Variants in TESK2 observed in about 807,000 individuals in gnomAD.
The protein encoded by TESK2 is dual specificity testis-specific protein kinase 2.
TESK2 carries 39 observed loss-of-function variants against 57.1 expected under a neutral mutation model. The observed-to-expected ratio is 0.68, with a 90% confidence interval of 0.53 to 0.89. The LOEUF (loss-of-function observed/expected upper bound fraction) is 0.89. Ranked by LOEUF, TESK2 falls within the 40% of genes least tolerant of loss-of-function variation. The probability of loss-of-function intolerance (pLI) is 0.00; values close to 1 mark genes in which losing one functional copy is unlikely to be tolerated. For synonymous variants in TESK2, 249 were observed against 267.9 expected, an observed-to-expected ratio of 0.93 and a Z score of 0.69; for missense variants, 646 against 732.1, an observed-to-expected ratio of 0.88 and a Z score of 1.36.
intron 2 of TESK2, among the ~76,000 whole-genome samples, chr1:45,442,313 A>C (rs966463335): frequency 1.3e-5 from 2 of 151,748 alleles, no homozygotes; most frequent in Non-Finnish European, 2.9e-5. Context: ...TTTTAAATTT[A>C]CATTGATACT....
chr1:45,410,154 T>G (rs2149283247), intron 3 of TESK2, among the ~76,000 whole-genome samples: 1 of 151,916 alleles, frequency 6.6e-6, no homozygotes, highest in African/African-American at 2.4e-5. Flanking sequence ...AGACTCTGTC[T>G]CAAAAAAAAA....
intron 4 of TESK2, among the ~76,000 whole-genome samples, chr1:45,357,234 TAAATAA>T (rs1557541461): frequency 2.5e-4 from 37 of 150,948 alleles, no homozygotes; most frequent in African/African-American, 5.1e-4. Flanking sequence ...AATAAATAAA[TAAATAA>T]ATGTATGTAT....
intron 10 of TESK2, 112 bp from the exon 11 acceptor site, chr1:45,345,670 T>G: frequency 9.1e-7 from 1 of 1,098,048 alleles, no homozygotes; most frequent in Non-Finnish European, 1.3e-6. Flanking sequence ...TGGCCCTGTT[T>G]TACCAATGAA....
intron 3 of TESK2, among the ~76,000 whole-genome samples, chr1:45,387,468 T>C (rs1311860599): frequency 6.6e-6 from 1 of 151,994 alleles, no homozygotes; most frequent in Non-Finnish European, 1.5e-5. Flanking sequence ...AAGTAAGTTC[T>C]AGTTTAGAAG....
intron 2 of TESK2, among the ~76,000 whole-genome samples, chr1:45,445,137 C>A (rs2149295323): frequency 6.6e-6 from 1 of 152,168 alleles, no homozygotes; most frequent in East Asian, 1.9e-4. Flanking sequence ...TCTTGTGACA[C>A]CCCCAACCAC....
intron 1 of TESK2, among the ~76,000 whole-genome samples, chr1:45,485,057 CAAATT>C (rs1340995063): frequency 1.3e-5 from 2 of 150,806 alleles, no homozygotes; most frequent in Admixed American, 6.6e-5. Flanking sequence ...TTAATTAAAT[CAAATT>C]AAATTAAAAA....
At chr1:45,386,833 T>A (rs1333841259) in intron 3 of TESK2, among the ~76,000 whole-genome samples, 1 of 152,144 alleles carries the variant, frequency 6.6e-6, no homozygotes, top group African/African-American at 2.4e-5. Context: ...TTTGTATTTT[T>A]AGTAGAGACG....
chr1:45,347,576 G>A lies in TESK2; in HGVS notation c.708+33C>T, dbSNP rs1451668094. 3.2e-6 allele frequency: 5 copies of A among 1,584,512 alleles called. No homozygotes were observed. The Admixed American group carries it at 8.8e-5, about 28-fold the overall frequency. On this transcript the variant is annotated intron_variant, in intron 7 of 10. Transcript: ENST00000372086. The stretch of plus-strand genomic sequence containing the variant: ...TCTCAAAAAAAAGAAAAAGAAAAAA[G>A]GAGAATCAGGCCTTGAGATCCTCCA...
intron 5 of TESK2, among the ~76,000 whole-genome samples, chr1:45,349,854 G>C (rs1179272584): frequency 6.6e-6 from 1 of 152,242 alleles, no homozygotes. Flanking sequence ...TTAAAAGCAT[G>C]TGTCAAGCTG....
intron 2 of TESK2, among the ~76,000 whole-genome samples, chr1:45,454,230 G>C (rs1180987568): frequency 6.6e-6 from 1 of 152,024 alleles, no homozygotes; most frequent in Non-Finnish European, 1.5e-5. Flanking sequence ...AAATAAAGTA[G>C]GATAGTGGTT....
chr1:45,479,781 AAAAAT>A (rs1363363253), intron 1 of TESK2, among the ~76,000 whole-genome samples: 1 of 151,696 alleles, frequency 6.6e-6, no homozygotes, highest in Non-Finnish European at 1.5e-5. Context: ...GATAGATTAA[AAAAAT>A]AAAGGACTGA....
intron 4 of TESK2, among the ~76,000 whole-genome samples, chr1:45,371,045 G>C (rs1648156273): frequency 6.6e-6 from 1 of 150,890 alleles, no homozygotes; most frequent in Non-Finnish European, 1.5e-5. Context: ...ACCACAATGA[G>C]ATATCACCTC....
chr1:45,361,825 A>C (rs1301677924), intron 4 of TESK2, among the ~76,000 whole-genome samples: 1 of 152,166 alleles, frequency 6.6e-6, no homozygotes, highest in Non-Finnish European at 1.5e-5. Context: ...CCCTACTGCC[A>C]CTTCCATATG....
At position 45,365,674 on chromosome 1, in the gene TESK2, C is replaced by T. The variant is rs985036310; in HGVS notation, c.394-10225G>A. The stretch of plus-strand genomic sequence containing the variant: ...GATTACAGGCGTGCACCACCACGCC[C>T]GGCTTTTTTTTTTTTTTTTTTTGAG... On this transcript the variant is annotated intron_variant, in intron 4 of 10. Transcript: ENST00000372086. 7.2e-4 allele frequency among the ~76,000 whole-genome samples: 98 copies of T among 136,814 alleles called. 2 individuals carry two copies. Among genetic ancestry groups the T allele is most frequent in the African/African-American group, 2.7e-3 (93 of 34,706 alleles). 89.8% of individuals were successfully genotyped at this position (136,814 alleles called of 152,430 possible).
intron 4 of TESK2, among the ~76,000 whole-genome samples, chr1:45,371,801 G>A (rs1318705172): frequency 6.6e-6 from 1 of 152,156 alleles, no homozygotes; most frequent in East Asian, 1.9e-4. Context: ...CTGGGAGGTG[G>A]AGGTTGCAGG....
intron 4 of TESK2, among the ~76,000 whole-genome samples, chr1:45,378,986 C>T (rs996570924): frequency 9.8e-5 from 15 of 152,294 alleles, no homozygotes; most frequent in African/African-American, 3.6e-4. Context: ...GATAGGTATG[C>T]CTTTGCTGCC....
intron 4 of TESK2, among the ~76,000 whole-genome samples, chr1:45,372,141 G>A (rs530335516): frequency 3.3e-5 from 5 of 152,122 alleles, no homozygotes; most frequent in Non-Finnish European, 5.9e-5. Context: ...TCAGCTACTC[G>A]AAAGGCTGAG....
chr1:45,465,667 T>C (rs184686995), intron 1 of TESK2, among the ~76,000 whole-genome samples: 1 of 152,302 alleles, frequency 6.6e-6, no homozygotes, highest in Non-Finnish European at 1.5e-5. Flanking sequence ...GGGGTAAATG[T>C]ATTTCTTAAA....
chr1:45,445,206 C>T (rs1440013045), intron 2 of TESK2, among the ~76,000 whole-genome samples: 1 of 152,056 alleles, frequency 6.6e-6, no homozygotes, highest in Non-Finnish European at 1.5e-5. Flanking sequence ...TGATCTCAAC[C>T]TTGACCCAAC....
Sources: allele counts gnomAD v4.1 joint callset (sites outside exome capture counted in the v4.1 genomes callset), GRCh38; gene constraint gnomAD v4.1.1; transcripts MANE v1.5; gene names NCBI Gene and HGNC (gene_info 2026-07-23, HGNC 2026-07-21).